Variants in HIP1 observed in about 807,000 individuals in gnomAD.
HIP1 encodes huntingtin-interacting protein 1.
HIP1 carries 65 observed loss-of-function variants against 147.6 expected under a neutral mutation model. That is an observed-to-expected ratio of 0.44 (90% CI 0.36 to 0.54). The LOEUF (loss-of-function observed/expected upper bound fraction) is 0.54, where lower values mean the gene tolerates loss of function less well. Ranked by LOEUF, HIP1 falls within the 20% of genes least tolerant of loss-of-function variation. The pLI, the probability that HIP1 is intolerant of heterozygous loss-of-function variation, is 0.00. For synonymous variants in HIP1, 479 were observed against 504.0 expected (o/e 0.95, Z 0.67); for missense variants, 1,061 against 1,299.6 (o/e 0.82, Z 2.82).
At chr7:75,648,893 C>T (rs1224260133) in intron 1 of HIP1, among the ~76,000 whole-genome samples, 3 of 152,094 alleles carry the variant, frequency 2.0e-5, no homozygotes, top group Non-Finnish European at 4.4e-5. Flanking sequence ...ATCGCTTGAG[C>T]TCAGGAGTTT....
chr7:75,667,519 T>C (rs1799598680), intron 1 of HIP1, among the ~76,000 whole-genome samples: 1 of 152,242 alleles, frequency 6.6e-6, no homozygotes, highest in Non-Finnish European at 1.5e-5. Flanking sequence ...AGGGTCTCCC[T>C]CTGTCACCCA....
At chr7:75,704,667 C>T (rs988698681) in intron 1 of HIP1, among the ~76,000 whole-genome samples, 1 of 152,192 alleles carries the variant, frequency 6.6e-6, no homozygotes, top group Non-Finnish European at 1.5e-5. Context: ...ACTGCAACCT[C>T]CACCTCCCAG....
Position 75,563,069 on chromosome 7 carries a change from G to A in HIP1, c.886C>T (p.Pro296Ser). 1 of 1,614,198 alleles carries A rather than the reference G, an allele frequency of 6.2e-7. No individual in the cohort carries two copies. Among genetic ancestry groups the A allele is most frequent in the South Asian group, 1.1e-5 (1 of 91,084 alleles). The change falls in exon 11 of 31, where the codon CCC becomes TCC. Residue 296 changes from proline (P) to serine (S), a missense_variant. Coordinates refer to ENST00000336926, the MANE Select transcript of HIP1 (RefSeq NM_005338.7). ...AGGGCTGAGGCTCGCAGGAAGTTGG[G>A]TGGGTTCTGAAGACGGAGACACATC... ...IQIPQLPENP[P>S]NFLRASALSE...
intron 1 of HIP1, chr7:75,639,181 C>A (rs1242171622): frequency 3.1e-6 from 3 of 983,130 alleles, no homozygotes; most frequent in East Asian, 1.2e-4. Context: ...GCCGGCAGGG[C>A]CCCCGCGGAC....
At chr7:75,703,240 TG>T (rs1342600968) in intron 1 of HIP1, among the ~76,000 whole-genome samples, 1 of 151,670 alleles carries the variant, frequency 6.6e-6, no homozygotes, top group East Asian at 1.9e-4. Flanking sequence ...CCCAGCTACT[TG>T]GGAGGCTGAG....
rs1221622038 is a variant in HIP1, at chr7:75,568,476, T to C, written c.746-220A>G. 6.6e-6 allele frequency among the ~76,000 whole-genome samples: 1 copy of C among 152,124 alleles called. No homozygotes were observed. Among genetic ancestry groups the C allele is most frequent in the Non-Finnish European group, 1.5e-5 (1 of 68,020 alleles). On this transcript the variant is annotated intron_variant, in intron 8 of 30. Transcript: ENST00000336926. This position sits in a 1 kb window ranked among gnomAD's most constrained non-coding sequence, Gnocchi z 4.1. ...ACGCTTATCCTCCAAATCCTTTCAC[T>C]TCAATTAGTTCCTGAAGGACAAGCC...
At chr7:75,561,173 C>G (rs3757604) in intron 13 of HIP1, among the ~76,000 whole-genome samples, 156 bp downstream of exon 13, 1 of 151,876 alleles carries the variant, frequency 6.6e-6, no homozygotes, top group Admixed American at 6.6e-5. Flanking sequence ...AGGCTGGTCT[C>G]GAACTCCCGA....
chr7:75,611,191 G>C (rs1797420942), intron 1 of HIP1, among the ~76,000 whole-genome samples: 1 of 151,730 alleles, frequency 6.6e-6, no homozygotes, highest in Non-Finnish European at 1.5e-5. Context: ...GGTACGCCAG[G>C]TGCGGTGGCT....
chr7:75,602,768 AC>A (rs1434479586), intron 1 of HIP1, among the ~76,000 whole-genome samples: 1 of 149,720 alleles, frequency 6.7e-6, no homozygotes, highest in Non-Finnish European at 1.5e-5. Context: ...TGAATTGTAT[AC>A]CCCCGCCCCA....
intron 29 of HIP1, among the ~76,000 whole-genome samples, chr7:75,540,711 CTA>C (rs1423433494): frequency 6.6e-6 from 1 of 152,004 alleles, no homozygotes; most frequent in Non-Finnish European, 1.5e-5. Context: ...TCTAGAAAAA[CTA>C]TGTCAATTTT....
chr7:75,691,347 C>T (rs1199210149), intron 1 of HIP1, among the ~76,000 whole-genome samples: 1 of 151,862 alleles, frequency 6.6e-6, no homozygotes, highest in African/African-American at 2.4e-5. Context: ...AAAAATTAGC[C>T]GGGCATGGTG....
chr7:75,734,859 G>A (rs1208483455), intron 1 of HIP1, among the ~76,000 whole-genome samples: 1 of 152,162 alleles, frequency 6.6e-6, no homozygotes, highest in Non-Finnish European at 1.5e-5. Flanking sequence ...GCTACAAGAT[G>A]TGCTTCAGTC....
At chr7:75,602,303 CTTTTTTTTTTT>C (rs67019261) in intron 1 of HIP1, among the ~76,000 whole-genome samples, 29 of 77,276 alleles carry the variant, frequency 3.8e-4, no homozygotes, top group East Asian at 3.1e-3. Context: ...ACCTGGCCAG[CTTTTTTTTTTT>C]TTTTTTTTTT....
At chr7:75,682,466 C>T (rs1451730819) in intron 1 of HIP1, among the ~76,000 whole-genome samples, 1 of 151,204 alleles carries the variant, frequency 6.6e-6, no homozygotes, top group African/African-American at 2.4e-5. Flanking sequence ...CACTATGTTG[C>T]CCAGGCTGGT....
chr7:75,605,358 C>T (rs371038160), intron 1 of HIP1, among the ~76,000 whole-genome samples: 2 of 151,938 alleles, frequency 1.3e-5, no homozygotes, highest in Non-Finnish European at 2.9e-5. Context: ...GCCTGAGGGC[C>T]GGGGGGGATG....
chr7:75,723,342 A>C (rs547417317), intron 1 of HIP1, among the ~76,000 whole-genome samples: 2 of 152,138 alleles, frequency 1.3e-5, no homozygotes, highest in Non-Finnish European at 2.9e-5. Flanking sequence ...ATTGCACTCC[A>C]CCCTGGGCGA....
intron 1 of HIP1, among the ~76,000 whole-genome samples, chr7:75,736,354 A>G (rs1427830705): frequency 1.3e-5 from 2 of 151,918 alleles, no homozygotes; most frequent in African/African-American, 4.8e-5. Flanking sequence ...GTTTTTACTT[A>G]TTTGAGACTC....
chr7:75,622,898 T>C (rs1584892529), intron 1 of HIP1, among the ~76,000 whole-genome samples: 1 of 144,310 alleles, frequency 6.9e-6, no homozygotes, highest in East Asian at 2.3e-4. Flanking sequence ...TCTATCTATA[T>C]ATTTTTTAAA....
chr7:75,737,115 G>A (rs1289411932), intron 1 of HIP1, among the ~76,000 whole-genome samples: 2 of 151,974 alleles, frequency 1.3e-5, no homozygotes, highest in African/African-American at 4.8e-5. Flanking sequence ...AAATAGAGGC[G>A]GGATCTCAGT....
Sources: allele counts gnomAD v4.1 joint callset (sites outside exome capture counted in the v4.1 genomes callset), GRCh38; gene constraint gnomAD v4.1.1; non-coding constraint Gnocchi (gnomAD v3.1); transcripts MANE v1.5; gene names NCBI Gene and HGNC (gene_info 2026-07-23, HGNC 2026-07-21).